Variants in BAIAP2L1 observed in about 807,000 individuals in gnomAD.
BAIAP2L1 encodes the protein BAR/IMD domain-containing adapter protein 2-like 1.
BAIAP2L1 carries 35 observed loss-of-function variants against 66.3 expected under a neutral mutation model. The observed-to-expected ratio is 0.53, with a 90% CI of 0.40 to 0.70. BAIAP2L1 has a LOEUF of 0.70. BAIAP2L1 is among the 30% of genes least tolerant of loss of function. The pLI is 0.00. For missense variants in BAIAP2L1, 622 were observed against 656.9 expected (o/e 0.95, Z 0.58); for synonymous variants, 269 against 248.7 (o/e 1.08, Z -0.77).
chr7:98,358,626 G>A (rs1802195486), intron 2 of BAIAP2L1, among the ~76,000 whole-genome samples: 1 of 152,098 alleles, frequency 6.6e-6, no homozygotes, highest in African/African-American at 2.4e-5. Context: ...CAAAGTGCTG[G>A]CATTACAGGC....
chr7:98,381,517 G>A (rs1471287435), intron 1 of BAIAP2L1, among the ~76,000 whole-genome samples: 1 of 152,132 alleles, frequency 6.6e-6, no homozygotes, highest in African/African-American at 2.4e-5. Flanking sequence ...ACAGTCTTTG[G>A]GCTTAGCCTG....
At chr7:98,366,411 G>A (rs1006567466) in intron 1 of BAIAP2L1, among the ~76,000 whole-genome samples, 9 of 152,072 alleles carry the variant, frequency 5.9e-5, no homozygotes, top group Non-Finnish European at 1.0e-4. Context: ...CCCACCTTCT[G>A]CGGCCCAGTC....
At chr7:98,351,698 G>T (rs368276132) in intron 3 of BAIAP2L1, among the ~76,000 whole-genome samples, 5 of 152,144 alleles carry the variant, frequency 3.3e-5, no homozygotes, top group South Asian at 2.1e-4. Flanking sequence ...CTGACAACCT[G>T]CTGCTCCTCA....
chr7:98,351,644 T>C (rs961488043), intron 3 of BAIAP2L1, among the ~76,000 whole-genome samples: 2 of 152,128 alleles, frequency 1.3e-5, no homozygotes, highest in African/African-American at 4.8e-5. Context: ...AGTATGAGGA[T>C]GAGAAGACAG....
intron 9 of BAIAP2L1, 74 bp downstream of exon 9, chr7:98,310,371 A>G (rs1800821902): frequency 6.7e-7 from 1 of 1,499,660 alleles, no homozygotes; most frequent in Non-Finnish European, 9.0e-7. Context: ...CATTTATACA[A>G]AATATTTATT....
At chr7:98,387,616 T>C (rs1293411071) in intron 1 of BAIAP2L1, among the ~76,000 whole-genome samples, 1 of 151,878 alleles carries the variant, frequency 6.6e-6, no homozygotes, top group Non-Finnish European at 1.5e-5. Flanking sequence ...TCCCAGCACT[T>C]TGGGAGGCTG....
At chr7:98,298,066 G>GT (rs1800263071) in intron 12 of BAIAP2L1, among the ~76,000 whole-genome samples, 1 of 152,020 alleles carries the variant, frequency 6.6e-6, no homozygotes, top group Non-Finnish European at 1.5e-5. Flanking sequence ...TCTTATCATT[G>GT]TTAATAAAAA....
chr7:98,396,926 C>A (rs775453343), intron 1 of BAIAP2L1, among the ~76,000 whole-genome samples: 1 of 152,356 alleles, frequency 6.6e-6, no homozygotes, highest in South Asian at 2.1e-4. Context: ...GTGCTTCACA[C>A]ATTAAATGGA....
intron 1 of BAIAP2L1, among the ~76,000 whole-genome samples, chr7:98,372,731 TG>T (rs1457851885): frequency 9.8e-4 from 135 of 138,114 alleles, no homozygotes; most frequent in African/African-American, 3.1e-3. Flanking sequence ...AGATCGATTT[TG>T]GTTTTTTTTT....
At chr7:98,373,866 G>C (rs11977521) in intron 1 of BAIAP2L1, among the ~76,000 whole-genome samples, 1 of 152,208 alleles carries the variant, frequency 6.6e-6, no homozygotes, top group African/African-American at 2.4e-5. Flanking sequence ...TCATCAGGAC[G>C]AGGGAGATCA....
At chr7:98,346,975 A>G (rs1801884386) in intron 3 of BAIAP2L1, among the ~76,000 whole-genome samples, 1 of 150,748 alleles carries the variant, frequency 6.6e-6, no homozygotes. Flanking sequence ...AAGATGTTTC[A>G]GGGAAAGCGA....
At chr7:98,390,524 C>A (rs1803011361) in intron 1 of BAIAP2L1, among the ~76,000 whole-genome samples, 1 of 151,728 alleles carries the variant, frequency 6.6e-6, no homozygotes, top group African/African-American at 2.4e-5. Context: ...GTCAGGAGAT[C>A]GAGACCATCT....
intron 12 of BAIAP2L1, among the ~76,000 whole-genome samples, chr7:98,303,139 T>C (rs1027515198): frequency 6.6e-6 from 1 of 152,218 alleles, no homozygotes; most frequent in Non-Finnish European, 1.5e-5. Flanking sequence ...AACCAAATCA[T>C]GCCAATGCAG....
chr7:98,306,092 C>T (rs761234665), intron 11 of BAIAP2L1, among the ~76,000 whole-genome samples: 30 of 152,056 alleles, frequency 2.0e-4, no homozygotes, highest in South Asian at 2.1e-4. Context: ...CATACAACAG[C>T]GTTAAGGGCT....
In BAIAP2L1 at chr7:98,307,505, A is replaced by G. The variant is rs201596651; in HGVS notation, c.1163+184T>C. 188 of 1,440,554 alleles carry G rather than the reference A, an allele frequency of 1.3e-4. No individual in the cohort carries two copies. The East Asian group carries it at 4.1e-3, about 31-fold the overall frequency. The allele number at this position is 1,440,554 out of a possible 1,614,324, so 89.2% of individuals were successfully genotyped here. On this transcript the variant is annotated intron_variant, in intron 10 of 13. Transcript: ENST00000005260. ...CTATGCATGCACCAAATGTATCTCT[A>G]CATGCACAGACATACAGAAAATAGC...
intron 2 of BAIAP2L1, among the ~76,000 whole-genome samples, chr7:98,361,657 G>A (rs1353168099): frequency 6.6e-6 from 1 of 152,164 alleles, no homozygotes; most frequent in Non-Finnish European, 1.5e-5. Context: ...CATTTTAAAT[G>A]AAGCATATAT....
At chr7:98,326,400 C>T (rs968032886) in intron 3 of BAIAP2L1, among the ~76,000 whole-genome samples, 5 of 152,184 alleles carry the variant, frequency 3.3e-5, no homozygotes, top group African/African-American at 1.2e-4. Context: ...TAAATAACAA[C>T]GGCACCACAT....
At chr7:98,337,530 A>C (rs936823680) in intron 3 of BAIAP2L1, among the ~76,000 whole-genome samples, 1 of 152,250 alleles carries the variant, frequency 6.6e-6, no homozygotes, top group African/African-American at 2.4e-5. Context: ...ATAAGGCAGC[A>C]ATCAGATGTT....
intron 2 of BAIAP2L1, 61 bp downstream of exon 2, chr7:98,362,296 A>C: frequency 7.6e-7 from 1 of 1,315,920 alleles, no homozygotes; most frequent in Non-Finnish European, 1.1e-6. Context: ...TAAGCATTTA[A>C]AAATAATTAC....
Sources: allele counts gnomAD v4.1 joint callset (sites outside exome capture counted in the v4.1 genomes callset), GRCh38; gene constraint gnomAD v4.1.1; transcripts MANE v1.5; gene names NCBI Gene and HGNC (gene_info 2026-07-23, HGNC 2026-07-21).